The following LRFN5 variants were observed in gnomAD, a reference collection of about 807,000 sequenced individuals.
LRFN5 encodes leucine rich repeat and fibronectin type III domain containing 5, also known as leucine-rich repeat and fibronectin type-III domain-containing protein 5.
In LRFN5, 24 loss-of-function variants were observed where a neutral mutation model predicts 45.6. That is an observed-to-expected ratio of 0.53 (90% CI 0.38 to 0.74). The LOEUF is 0.74. Ranked by LOEUF, LRFN5 falls within the 30% of genes least tolerant of loss-of-function variation. LRFN5 has a pLI of 0.00. For synonymous variants in LRFN5, 340 were observed against 313.8 expected (o/e 1.08, Z -0.88); for missense variants, 776 against 861.5 (o/e 0.90, Z 1.24).
intron 1 of LRFN5, among the ~76,000 whole-genome samples, chr14:41,732,206 G>A (rs1356602228): frequency 6.6e-6 from 1 of 152,132 alleles, no homozygotes; most frequent in Non-Finnish European, 1.5e-5. Flanking sequence ...GCTTGGGGAA[G>A]CCAGAATGTG....
chr14:41,848,613 G>A (rs919605272), intron 2 of LRFN5, among the ~76,000 whole-genome samples: 1 of 151,994 alleles, frequency 6.6e-6, no homozygotes, highest in African/African-American at 2.4e-5. Context: ...ATGGGATCAG[G>A]ACAAGAAACA....
chr14:41,904,327 G>A lies in LRFN5; in HGVS notation c.*152G>A. 1.0e-6 allele frequency: 1 copy of A among 964,418 alleles called. No homozygotes were observed. The highest frequency in any genetic ancestry group is 1.6e-6 in the Non-Finnish European group (1 of 626,002). 59.7% of individuals were successfully genotyped at this position (964,418 alleles called of 1,614,324 possible). On this transcript the variant is annotated 3_prime_UTR_variant, in exon 6 of 6. Transcript: ENST00000298119. ...AGGAGCCAAGGTGAAAGTCTCTGAT[G>A]ACGGCGGAACTGGCTCCATTAGACC...
intron 1 of LRFN5, among the ~76,000 whole-genome samples, chr14:41,734,540 CTG>C (rs1884342460): frequency 2.7e-5 from 4 of 150,406 alleles, no homozygotes; most frequent in Admixed American, 2.0e-4. Flanking sequence ...TTTTCAGTCT[CTG>C]TGTGTGCAGA....
chr14:41,693,088 A>G lies in LRFN5; in HGVS notation c.-196-73766A>G, dbSNP rs76323323. Among the ~76,000 whole-genome samples, 23 of 152,130 alleles carry G rather than the reference A, an allele frequency of 1.5e-4. No individual in the cohort carries two copies. The East Asian group carries it at 3.5e-3, about 23-fold the overall frequency. ...GTGGACTTCATTTCCTATTTCACTG[A>G]TGAATTTTTATATTCTTATTCAAAC... On this transcript the variant is annotated intron_variant, in intron 1 of 5. Coordinates refer to ENST00000298119, the MANE Select transcript of LRFN5 (RefSeq NM_152447.5).
At chr14:41,901,485 A>G (rs897699545) in intron 5 of LRFN5, among the ~76,000 whole-genome samples, 2 of 151,590 alleles carry the variant, frequency 1.3e-5, no homozygotes, top group Non-Finnish European at 2.9e-5. Flanking sequence ...CACAAGAGCT[A>G]TAGCTTATTC....
chr14:41,883,158 C>G lies in LRFN5; in HGVS notation c.-20-3448C>G, dbSNP rs1227955825. On this transcript the variant is annotated intron_variant, in intron 2 of 5. Coordinates refer to ENST00000298119, the MANE Select transcript of LRFN5 (RefSeq NM_152447.5). ...TGAGTCACCACCCCCCGCCATTTCCCCCCTTTTATCAAGGACTGCCACCTC... is the reference window on the plus strand; with the variant it reads ...TGAGTCACCACCCCCCGCCATTTCCGCCCTTTTATCAAGGACTGCCACCTC... Among the ~76,000 whole-genome samples, 6 of 148,964 alleles carry G rather than the reference C, an allele frequency of 4.0e-5. No individual in the cohort carries two copies. In the East Asian group the frequency reaches 1.2e-3, roughly 31 times the overall value.
intron 1 of LRFN5, among the ~76,000 whole-genome samples, chr14:41,665,564 A>G (rs182774350): frequency 4.2e-4 from 61 of 146,682 alleles, no homozygotes; most frequent in South Asian, 3.5e-3. Context: ...CAGCAAAAGT[A>G]TCATAATAAG....
chr14:41,732,645 A>G (rs1884229441), intron 1 of LRFN5, among the ~76,000 whole-genome samples: 2 of 152,226 alleles, frequency 1.3e-5, no homozygotes, highest in South Asian at 4.1e-4. Context: ...ATAATCTAAT[A>G]TTCTAGGGTT....
intron 2 of LRFN5, among the ~76,000 whole-genome samples, chr14:41,849,179 A>G (rs1216937729): frequency 6.6e-6 from 1 of 151,986 alleles, no homozygotes; most frequent in Non-Finnish European, 1.5e-5. Context: ...AGCTATTACA[A>G]AACCTTATGT....
intron 2 of LRFN5, among the ~76,000 whole-genome samples, chr14:41,868,606 A>G (rs113264050): frequency 5.9e-5 from 9 of 152,168 alleles, no homozygotes; most frequent in African/African-American, 1.9e-4. Flanking sequence ...AATGTAGGCC[A>G]TGAAATGTCT....
chr14:41,859,687 C>A (rs927215478), intron 2 of LRFN5, among the ~76,000 whole-genome samples: 2 of 152,178 alleles, frequency 1.3e-5, no homozygotes, highest in Non-Finnish European at 2.9e-5. Flanking sequence ...CTCAAACATT[C>A]TCCAAATATA....
chr14:41,831,642 T>A (rs1224607395), intron 2 of LRFN5, among the ~76,000 whole-genome samples: 1 of 152,164 alleles, frequency 6.6e-6, no homozygotes, highest in Non-Finnish European at 1.5e-5. Context: ...AATACACACA[T>A]AAACAAATAT....
At chr14:41,903,589 C>G (rs1398096250) in intron 5 of LRFN5, among the ~76,000 whole-genome samples, 3 of 151,424 alleles carry the variant, frequency 2.0e-5, no homozygotes, top group African/African-American at 7.2e-5. Context: ...TATTTTCTTT[C>G]AAAATCATGT....
intron 1 of LRFN5, among the ~76,000 whole-genome samples, chr14:41,641,780 C>T (rs1163790362): frequency 6.6e-6 from 1 of 151,976 alleles, no homozygotes; most frequent in Non-Finnish European, 1.5e-5. Flanking sequence ...AATTGTGCCA[C>T]CCTAAAATAT....
intron 1 of LRFN5, chr14:41,731,731 G>A (rs1056990040): frequency 6.6e-6 from 1 of 152,104 alleles, no homozygotes; most frequent in Non-Finnish European, 1.5e-5. Flanking sequence ...ATTTGATCAT[G>A]TAATCCATTG....
chr14:41,669,521 A>C (rs1881065346), intron 1 of LRFN5, among the ~76,000 whole-genome samples: 1 of 152,026 alleles, frequency 6.6e-6, no homozygotes, highest in African/African-American at 2.4e-5. Flanking sequence ...CAATGATTGA[A>C]CTTTTTTTTT....
At position 41,641,728 on chromosome 14, in the gene LRFN5, G is replaced by A. The variant is rs547208192; in HGVS notation, c.-197+33166G>A. Among the ~76,000 whole-genome samples, 13 of 152,052 alleles carry A rather than the reference G, an allele frequency of 8.5e-5. No homozygotes were observed. In the South Asian group the frequency reaches 2.5e-3, roughly 29 times the overall value. On this transcript the variant is annotated intron_variant, in intron 1 of 5. Coordinates refer to ENST00000298119, the MANE Select transcript of LRFN5 (RefSeq NM_152447.5). ...CATAGTTCCTTGTGGTTTGATAATG[G>A]CTTTATGATTTATATTTAAAATATT...
chr14:41,756,608 C>T (rs138529274), intron 1 of LRFN5, among the ~76,000 whole-genome samples: 1,693 of 152,322 alleles, frequency 0.011, 29 homozygotes, highest in African/African-American at 0.037. Context: ...TCATCTCCAT[C>T]ACGTCCTTTA....
rs1566486513 is a variant in LRFN5, at chr14:41,856,679, T to TATTTTTTTTTTTTTA, written c.-20-29927_-20-29926insATTTTTTTTTTTTTA. On this transcript the variant is annotated intron_variant, in intron 2 of 5. Coordinates refer to ENST00000298119, the MANE Select transcript of LRFN5 (RefSeq NM_152447.5). ...TTCCTAATTATTATTATTATTATTT[T>TATTTTTTTTTTTTTA]TTTTTTTTTTTTTTTGAGACGGAGT... Among the ~76,000 whole-genome samples, 40 of 60,096 alleles carry TATTTTTTTTTTTTTA rather than the reference T, an allele frequency of 6.7e-4. 1 individual carries two copies. The highest frequency in any genetic ancestry group is 3.7e-3 in the South Asian group (6 of 1,614). The allele number at this position is 60,096 out of a possible 152,430, so 39.4% of individuals were successfully genotyped here.
Sources: allele counts gnomAD v4.1 joint callset (sites outside exome capture counted in the v4.1 genomes callset), GRCh38; gene constraint gnomAD v4.1.1; transcripts MANE v1.5; gene names NCBI Gene and HGNC (gene_info 2026-07-23, HGNC 2026-07-21).